SEC63: variants seen among roughly 807,000 people sequenced by gnomAD.
SEC63 encodes the protein SEC63 protein translocation regulator.
In SEC63, 56 loss-of-function variants were observed where a neutral mutation model predicts 116.2. The observed-to-expected ratio is 0.48, with a 90% CI of 0.39 to 0.60. The LOEUF is 0.60. SEC63 is among the 20% of genes least tolerant of loss of function. The pLI is 0.00. For synonymous variants in SEC63, 273 were observed against 294.6 expected (o/e 0.93, Z 0.75); for missense variants, 668 against 900.0 (o/e 0.74, Z 3.30).
At chr6:107,912,662 A>C (rs908997557) in intron 6 of SEC63, 54 bp downstream of exon 6, 1 of 1,069,324 alleles carries the variant, frequency 9.4e-7, no homozygotes, top group African/African-American at 1.6e-5. Context: ...CAGATTGTAC[A>C]TAACAAAAAT....
intron 4 of SEC63, among the ~76,000 whole-genome samples, chr6:107,916,254 G>T (rs1432475756): frequency 2.0e-5 from 3 of 152,212 alleles, no homozygotes. Flanking sequence ...CTTGTGAAAA[G>T]AGAGTAAATG....
At chr6:107,936,566 AT>A (rs1277456061) in intron 1 of SEC63, among the ~76,000 whole-genome samples, 1 of 152,236 alleles carries the variant, frequency 6.6e-6, no homozygotes, top group African/African-American at 2.4e-5. Flanking sequence ...AATTATCCAC[AT>A]TTATAGAAAC....
chr6:107,918,041 T>C (rs1031278693), intron 4 of SEC63, among the ~76,000 whole-genome samples: 1 of 152,254 alleles, frequency 6.6e-6, no homozygotes, highest in Non-Finnish European at 1.5e-5. Context: ...AAAGACAGGC[T>C]GACTTTCTTG....
intron 19 of SEC63, 69 bp downstream of exon 19, chr6:107,876,495 T>G: frequency 1.1e-6 from 1 of 926,300 alleles, no homozygotes; most frequent in East Asian, 2.4e-5. Context: ...AAAAAAAAGA[T>G]ATATGAAGCA....
chr6:107,953,384 G>A (rs1470861754), intron 1 of SEC63, among the ~76,000 whole-genome samples: 4 of 152,200 alleles, frequency 2.6e-5, no homozygotes, highest in African/African-American at 7.2e-5. Flanking sequence ...TGCCCCGTCC[G>A]GGAAGGAGGT....
At chr6:107,933,051 A>G (rs934002029) in intron 1 of SEC63, among the ~76,000 whole-genome samples, 5 of 152,130 alleles carry the variant, frequency 3.3e-5, no homozygotes, top group African/African-American at 9.7e-5. Context: ...GAAGGACCAT[A>G]ATCACAGGGG....
At position 107,868,813 on chromosome 6, in the gene SEC63, G is replaced by A. The variant is rs978546697; in HGVS notation, c.*2891C>T. On this transcript the variant is annotated 3_prime_UTR_variant, in exon 21 of 21. Transcript: ENST00000369002. ...TTGATAGCTCCAGTATCCAGTCACA[G>A]AGCCTGGCACATAGAAACTCAGTAA... 6.6e-6 allele frequency: 1 copy of A among 152,106 alleles called. No individual in the cohort carries two copies. Among genetic ancestry groups the A allele is most frequent in the Non-Finnish European group, 1.5e-5 (1 of 68,026 alleles). 9.4% of individuals were successfully genotyped at this position (152,106 alleles called of 1,614,324 possible). A position where few individuals can be genotyped will look rare whatever the true frequency, so the allele number is the denominator to read the frequency against.
chr6:107,899,265 T>C (rs956637318), intron 13 of SEC63, among the ~76,000 whole-genome samples: 6 of 152,218 alleles, frequency 3.9e-5, no homozygotes, highest in Non-Finnish European at 5.9e-5. Flanking sequence ...TATAGCACTA[T>C]TATTACATAA....
chr6:107,936,816 C>A (rs1012872142), intron 1 of SEC63, among the ~76,000 whole-genome samples: 1 of 152,156 alleles, frequency 6.6e-6, no homozygotes, highest in Non-Finnish European at 1.5e-5. Context: ...GGTGAAGGAA[C>A]GTTAGCCAGA....
At chr6:107,900,860 T>C (rs1273674809) in intron 13 of SEC63, among the ~76,000 whole-genome samples, 2 of 152,288 alleles carry the variant, frequency 1.3e-5, no homozygotes, top group East Asian at 1.9e-4. Flanking sequence ...AGAGCAATTA[T>C]ATAGGTAGAA....
chr6:107,889,430 T>C (rs1482316143), intron 16 of SEC63, among the ~76,000 whole-genome samples: 1 of 152,216 alleles, frequency 6.6e-6, no homozygotes, highest in African/African-American at 2.4e-5. Flanking sequence ...GTGGGATCAG[T>C]GGTGACATCC....
At chr6:107,930,336 C>G (rs1356365127) in intron 1 of SEC63, among the ~76,000 whole-genome samples, 1 of 151,660 alleles carries the variant, frequency 6.6e-6, no homozygotes, top group South Asian at 2.1e-4. Context: ...GGGGGCCGGG[C>G]GCGGTGGCTC....
Position 107,872,878 on chromosome 6 carries a change from C to G in SEC63, c.2069G>C (p.Gly690Ala). 1 of 1,551,700 alleles carries G rather than the reference C, an allele frequency of 6.4e-7. No homozygotes were observed. Residue 690 changes from glycine (G) to alanine (A), a missense_variant, in exon 20 of 21, where the codon GGA (glycine) becomes GCA (alanine). Physicochemically the swap from Gly to Ala is moderately conservative, Grantham distance 60. This residue lies in a region of SEC63 where 85 missense variants were observed against 116.3 expected (regional missense o/e 0.73). Transcript: ENST00000369002. ...ELKFPAPGKPGNYQYTVFLRS... is the reference protein window; with the variant it reads ...ELKFPAPGKPANYQYTVFLRS... ...CAGAAACACAGTATACTGATAATTTCCAGGCTTGCCTGGTGCAGGAAACTT... is the reference window on the plus strand; with the variant it reads ...CAGAAACACAGTATACTGATAATTTGCAGGCTTGCCTGGTGCAGGAAACTT...
intron 12 of SEC63, 124 bp downstream of exon 12, chr6:107,902,720 A>C (rs1787035788): frequency 1.1e-6 from 1 of 894,680 alleles, no homozygotes. Context: ...AAAGTTTTAG[A>C]GTATTTAAGA....
At chr6:107,942,342 T>A (rs887120177) in intron 1 of SEC63, among the ~76,000 whole-genome samples, 1 of 152,234 alleles carries the variant, frequency 6.6e-6, no homozygotes, top group African/African-American at 2.4e-5. Flanking sequence ...TTGATTCCTC[T>A]GTACTGAAGT....
intron 1 of SEC63, among the ~76,000 whole-genome samples, chr6:107,935,413 G>A (rs970448662): frequency 6.6e-6 from 1 of 151,288 alleles, no homozygotes; most frequent in African/African-American, 2.4e-5. Context: ...GAAAGAAGTA[G>A]ACATGGGAGA....
chr6:107,901,773 G>A (rs1021784246), intron 12 of SEC63, among the ~76,000 whole-genome samples: 1 of 151,634 alleles, frequency 6.6e-6, no homozygotes, highest in Non-Finnish European at 1.5e-5. Flanking sequence ...AAAGTTGGAG[G>A]GAAAAAATAA....
Position 107,956,330 on chromosome 6 carries a change from T to G in SEC63, c.124+1556A>C, listed in dbSNP as rs190341865. On this transcript the variant is annotated intron_variant, in intron 1 of 20. Transcript: ENST00000369002. ...TGGCTGTTAGGTGAAAATAAACTAC[T>G]GAAAAGTGTACCCTTTTAACTTGAA... Among the ~76,000 whole-genome samples, 130 of 152,330 alleles carry G rather than the reference T, an allele frequency of 8.5e-4. 1 individual carries two copies. The highest frequency in any genetic ancestry group is 1.5e-3 in the Admixed American group (23 of 15,286).
intron 1 of SEC63, among the ~76,000 whole-genome samples, chr6:107,943,720 G>C (rs1770423329): frequency 6.6e-6 from 1 of 152,192 alleles, no homozygotes; most frequent in African/African-American, 2.4e-5. Context: ...CAGGCAAAGG[G>C]AGCAGCAACC....
Sources: gnomAD v4.1 joint callset for allele counts (sites outside exome capture counted in the v4.1 genomes callset) on GRCh38, gnomAD v4.1.1 for gene constraint, gnomAD v4.1.1 regional missense constraint, MANE v1.5 for transcripts, NCBI Gene and HGNC (gene_info 2026-07-23, HGNC 2026-07-21) for gene names.